The following ITPKB variants were observed in gnomAD, a reference collection of about 807,000 sequenced individuals.
ITPKB encodes the protein inositol-trisphosphate 3-kinase B, also known as IP3 3-kinase B.
In ITPKB, 13 loss-of-function variants were observed where a neutral mutation model predicts 69.4. The ratio of observed to expected loss-of-function variants is 0.19; its 90% CI spans 0.12 to 0.30. The LOEUF is 0.30. Ranked by LOEUF, ITPKB falls within the 10% of genes least tolerant of loss-of-function variation. The probability of loss-of-function intolerance (pLI) is 1.00; values close to 1 mark genes in which losing one functional copy is unlikely to be tolerated. For missense variants in ITPKB, 1,240 were observed against 1,250.5 expected (o/e 0.99, Z 0.13); for synonymous variants, 584 against 513.7 (o/e 1.14, Z -1.85).
At chr1:226,716,090 C>T (rs968356244) in intron 2 of ITPKB, among the ~76,000 whole-genome samples, 1 of 152,234 alleles carries the variant, frequency 6.6e-6, no homozygotes, top group South Asian at 2.1e-4. Flanking sequence ...GCACTACAGG[C>T]GTGAGCCACC....
intron 2 of ITPKB, among the ~76,000 whole-genome samples, chr1:226,723,445 G>T (rs879355563): frequency 6.6e-6 from 1 of 152,132 alleles, no homozygotes; most frequent in African/African-American, 2.4e-5. Flanking sequence ...GCACGTGCCT[G>T]GCCTGGCACC....
At position 226,652,635 on chromosome 1, in the gene ITPKB, C is replaced by T. The variant is rs1050493060; in HGVS notation, c.1933-3864G>A. ...CCAGCTCTAGGAAATACAAAAGTGG[C>T]CTTCAAATGCCTTGAACGTGGTGTG... On this transcript the variant is annotated intron_variant, in intron 2 of 7. Coordinates refer to ENST00000429204, the MANE Select transcript of ITPKB (RefSeq NM_002221.4). Among the ~76,000 whole-genome samples, 11 of 152,232 alleles carry T rather than the reference C, an allele frequency of 7.2e-5. No individual in the cohort carries two copies. In the South Asian group the frequency reaches 8.3e-4, roughly 11 times the overall value.
chr1:226,697,799 G>A (rs935690654), intron 2 of ITPKB, among the ~76,000 whole-genome samples: 1 of 152,130 alleles, frequency 6.6e-6, no homozygotes. Flanking sequence ...CTCCACATAA[G>A]AGCTGCCCTA....
At chr1:226,697,744 G>C (rs1050424525) in intron 2 of ITPKB, among the ~76,000 whole-genome samples, 2 of 152,232 alleles carry the variant, frequency 1.3e-5, no homozygotes, top group African/African-American at 4.8e-5. Flanking sequence ...GGTGGCATTA[G>C]TGAAATAGAC....
chr1:226,725,482 G>C (rs1464156264), intron 2 of ITPKB, among the ~76,000 whole-genome samples: 2 of 152,242 alleles, frequency 1.3e-5, no homozygotes, highest in Non-Finnish European at 2.9e-5. Flanking sequence ...GTAATTAAAA[G>C]CTCAAGACTT....
chr1:226,671,159 C>A (rs940172286), intron 2 of ITPKB, among the ~76,000 whole-genome samples: 2 of 152,122 alleles, frequency 1.3e-5, no homozygotes, highest in African/African-American at 4.8e-5. Context: ...CCGTGAAGAC[C>A]CCAAGGATCT....
chr1:226,669,395 CT>C (rs1669568878), intron 2 of ITPKB, among the ~76,000 whole-genome samples: 1 of 148,734 alleles, frequency 6.7e-6, no homozygotes, highest in African/African-American at 2.5e-5. Context: ...GAAACTCTGT[CT>C]CAAAAAAAAA....
chr1:226,703,498 C>T (rs971168639), intron 2 of ITPKB, among the ~76,000 whole-genome samples: 5 of 152,174 alleles, frequency 3.3e-5, no homozygotes, highest in African/African-American at 1.2e-4. Context: ...TGTCGCTGCC[C>T]GGCCCCCACC....
At chr1:226,710,766 G>A (rs1656927095) in intron 2 of ITPKB, among the ~76,000 whole-genome samples, 1 of 152,220 alleles carries the variant, frequency 6.6e-6, no homozygotes, top group African/African-American at 2.4e-5. Flanking sequence ...CCTGCCTTGG[G>A]ACACCAGTGA....
At chr1:226,702,196 G>A (rs1656684327) in intron 2 of ITPKB, among the ~76,000 whole-genome samples, 1 of 152,110 alleles carries the variant, frequency 6.6e-6, no homozygotes, top group Admixed American at 6.6e-5. Flanking sequence ...TAGAGTTCAA[G>A]ACCAGCCTGG....
At chr1:226,717,463 A>T (rs1182486879) in intron 2 of ITPKB, among the ~76,000 whole-genome samples, 7 of 152,166 alleles carry the variant, frequency 4.6e-5, no homozygotes, top group Admixed American at 4.6e-4. Flanking sequence ...CTGCAGAGAG[A>T]CAAAGGGAAG....
At chr1:226,671,787 C>T (rs1311282505) in intron 2 of ITPKB, among the ~76,000 whole-genome samples, 1 of 152,144 alleles carries the variant, frequency 6.6e-6, no homozygotes, top group Admixed American at 6.6e-5. Flanking sequence ...AGTGCACAGG[C>T]TTTGAGACAG....
intron 2 of ITPKB, among the ~76,000 whole-genome samples, chr1:226,678,890 C>T (rs1359057474): frequency 5.9e-5 from 9 of 152,196 alleles, no homozygotes; most frequent in Non-Finnish European, 1.5e-5. Context: ...GCAAGAGAAC[C>T]ACAGGCCCAG....
intron 2 of ITPKB, among the ~76,000 whole-genome samples, chr1:226,666,985 C>T (rs1669515392): frequency 6.6e-6 from 1 of 152,224 alleles, no homozygotes; most frequent in Non-Finnish European, 1.5e-5. Context: ...CTTCATGCTC[C>T]TGAACCTTTT....
chr1:226,662,174 C>T (rs1488665358), intron 2 of ITPKB, among the ~76,000 whole-genome samples: 1 of 152,146 alleles, frequency 6.6e-6, no homozygotes, highest in Non-Finnish European at 1.5e-5. Flanking sequence ...GCCTGTTCCC[C>T]GGGAGACTGA....
intron 2 of ITPKB, among the ~76,000 whole-genome samples, chr1:226,684,105 C>A (rs751704657): frequency 1.3e-4 from 20 of 152,128 alleles, no homozygotes; most frequent in South Asian, 2.1e-4. Context: ...CTTCACAGCA[C>A]CCGATTCTCT....
intron 4 of ITPKB, among the ~76,000 whole-genome samples, chr1:226,645,092 G>C (rs555727210): frequency 7.2e-5 from 11 of 152,352 alleles, no homozygotes; most frequent in South Asian, 4.1e-4. Context: ...CCTGGTGACA[G>C]AACCCTCCTG....
intron 2 of ITPKB, among the ~76,000 whole-genome samples, chr1:226,668,732 T>C (rs1669553019): frequency 6.6e-6 from 1 of 152,232 alleles, no homozygotes; most frequent in Non-Finnish European, 1.5e-5. Flanking sequence ...TTAACAGGAA[T>C]AAAAAGTGCT....
chr1:226,676,648 G>A (rs558724091), intron 2 of ITPKB, among the ~76,000 whole-genome samples: 1 of 152,348 alleles, frequency 6.6e-6, no homozygotes, highest in East Asian at 1.9e-4. Flanking sequence ...CCAAGTGTGA[G>A]GTATTGTTAT....
Sources: allele counts gnomAD v4.1 joint callset (sites outside exome capture counted in the v4.1 genomes callset), GRCh38; gene constraint gnomAD v4.1.1; transcripts MANE v1.5; gene names NCBI Gene and HGNC (gene_info 2026-07-23, HGNC 2026-07-21).